TNFSF4: variants seen among roughly 807,000 people sequenced by gnomAD.
TNFSF4 encodes TNF superfamily member 4.
Under a neutral mutation model 7.3 loss-of-function variants are expected in TNFSF4, and 4 were observed. That is an observed-to-expected ratio of 0.55 (90% CI 0.27 to 1.25). The LOEUF (loss-of-function observed/expected upper bound fraction) is 1.25, where lower values mean the gene tolerates loss of function less well. Among genes scored for constraint, TNFSF4 ranks in the 50% most tolerant of loss-of-function variants. The pLI, the probability that TNFSF4 is intolerant of heterozygous loss-of-function variation, is 0.12. For missense variants in TNFSF4, 181 were observed against 208.8 expected (o/e 0.87, Z 0.82); for synonymous variants, 76 against 83.7 (o/e 0.91, Z 0.50).
chr1:173,326,388 T>A, the TNFSF4 span, among the ~76,000 whole-genome samples: 1 of 152,206 alleles, frequency 6.6e-6, no homozygotes, highest in South Asian at 2.1e-4. Flanking sequence ...GAGCTATCCA[T>A]GACGAACCCA....
chr1:173,381,030 G>A, the TNFSF4 span, among the ~76,000 whole-genome samples: 242 of 152,226 alleles, frequency 1.6e-3, 1 homozygote, highest in African/African-American at 5.1e-3. Flanking sequence ...GTCTGTCAGC[G>A]CAAAGCCATA....
At chr1:173,250,469 T>G in the TNFSF4 span, among the ~76,000 whole-genome samples, 3 of 150,760 alleles carry the variant, frequency 2.0e-5, no homozygotes, top group Non-Finnish European at 4.4e-5. Context: ...TTTTGTTTTT[T>G]TTTTTTTTGA....
the TNFSF4 span, among the ~76,000 whole-genome samples, chr1:173,177,343 C>G: frequency 6.6e-6 from 1 of 151,920 alleles, no homozygotes; most frequent in Non-Finnish European, 1.5e-5. Context: ...AATGCAGGAA[C>G]AGAAAGCAAA....
chr1:173,186,458 T>C lies in TNFSF4; in HGVS notation c.*58A>G. 7.1e-7 allele frequency: 1 copy of C among 1,407,334 alleles called. No individual in the cohort carries two copies. The highest frequency in any genetic ancestry group is 9.8e-7 in the Non-Finnish European group (1 of 1,019,522). 87.2% of individuals were successfully genotyped at this position (1,407,334 alleles called of 1,614,324 possible). ...CTTGCAATGAAGAATCCATGCCCTGTCCACCCCCAGCTTGGTGTTCATGCT... is the reference window on the plus strand; with the variant it reads ...CTTGCAATGAAGAATCCATGCCCTGCCCACCCCCAGCTTGGTGTTCATGCT... On this transcript the variant is annotated 3_prime_UTR_variant, in exon 3 of 3. Coordinates refer to ENST00000281834, the MANE Select transcript of TNFSF4 (RefSeq NM_003326.5).
chr1:173,394,381 G>T, the TNFSF4 span, among the ~76,000 whole-genome samples: 28 of 152,250 alleles, frequency 1.8e-4, 1 homozygote, highest in Admixed American at 6.5e-4. Flanking sequence ...TAATCAAGCT[G>T]GCCTCATGCT....
intron 1 of TNFSF4, among the ~76,000 whole-genome samples, chr1:173,199,033 G>C (rs1412159679): frequency 6.6e-6 from 1 of 152,152 alleles, no homozygotes; most frequent in Non-Finnish European, 1.5e-5. Context: ...CAAGATACTA[G>C]GTATTAAAGC....
At chr1:173,399,763 A>G in the TNFSF4 span, among the ~76,000 whole-genome samples, 11 of 152,222 alleles carry the variant, frequency 7.2e-5, no homozygotes, top group African/African-American at 2.2e-4. Flanking sequence ...TCATCACCCA[A>G]TGGGCTCATA....
chr1:173,424,985 A>T, the TNFSF4 span, among the ~76,000 whole-genome samples: 5 of 152,282 alleles, frequency 3.3e-5, no homozygotes, highest in East Asian at 5.8e-4. Flanking sequence ...TAAATATTCA[A>T]GTTTTTCAAA....
the TNFSF4 span, among the ~76,000 whole-genome samples, chr1:173,293,049 T>G: frequency 6.6e-6 from 1 of 152,224 alleles, no homozygotes; most frequent in Admixed American, 6.5e-5. Flanking sequence ...TCAGTATTGT[T>G]AAAATGGCCA....
At chr1:173,356,223 C>A in the TNFSF4 span, among the ~76,000 whole-genome samples, 12 of 152,258 alleles carry the variant, frequency 7.9e-5, no homozygotes, top group East Asian at 2.1e-3. Context: ...TTGTCTCTAC[C>A]AAGAATTTCC....
the TNFSF4 span, among the ~76,000 whole-genome samples, chr1:173,404,710 C>T: frequency 1.3e-5 from 2 of 151,548 alleles, no homozygotes; most frequent in Non-Finnish European, 2.9e-5. Context: ...CAGCTCACTT[C>T]AACCTCTACC....
At position 173,186,798 on chromosome 1, in the gene TNFSF4, G is replaced by A. The variant is rs1326338372; in HGVS notation, c.270C>T (p.Asn90=). 1.2e-6 allele frequency: 2 copies of A among 1,613,604 alleles called. No homozygotes were observed. The highest frequency in any genetic ancestry group is 1.7e-6 in the Non-Finnish European group (2 of 1,179,798). The change falls in exon 3 of 3, where the codon AAC becomes AAT. Residue 90 remains asparagine (N), a synonymous_variant. Coordinates refer to ENST00000281834, the MANE Select transcript of TNFSF4 (RefSeq NM_003326.5). ...CATCACAGTTGATGATGACTGAGTT[G>A]TTCTGCACCTTCATGATTTCATCCT... ...QKEDEIMKVQ[N]NSVIINCDGF...
At chr1:173,187,302 C>A (rs909866003) in intron 2 of TNFSF4, among the ~76,000 whole-genome samples, 37 of 152,210 alleles carry the variant, frequency 2.4e-4, no homozygotes, top group Admixed American at 2.4e-3. Flanking sequence ...AACTTCAGTG[C>A]CTCCTTTCTT....
the TNFSF4 span, among the ~76,000 whole-genome samples, chr1:173,374,837 A>G: frequency 6.6e-6 from 1 of 152,200 alleles, no homozygotes; most frequent in African/African-American, 2.4e-5. Context: ...GTGCAGGGCA[A>G]TACAATACCC....
the TNFSF4 span, among the ~76,000 whole-genome samples, chr1:173,313,690 C>T: frequency 1.2e-4 from 18 of 151,934 alleles, no homozygotes; most frequent in South Asian, 2.1e-4. Flanking sequence ...TATAGACTAT[C>T]GATAGTTCTC....
At chr1:173,272,249 C>A in the TNFSF4 span, among the ~76,000 whole-genome samples, 1 of 151,990 alleles carries the variant, frequency 6.6e-6, no homozygotes, top group East Asian at 1.9e-4. Flanking sequence ...ATGTAAATGA[C>A]AAGTTAATGG....
chr1:173,176,432 A>C, the TNFSF4 span, among the ~76,000 whole-genome samples: 1 of 152,214 alleles, frequency 6.6e-6, no homozygotes, highest in African/African-American at 2.4e-5. Flanking sequence ...ATCATCTCAC[A>C]CGAGTCAGAA....
chr1:173,439,043 C>CAG, the TNFSF4 span, among the ~76,000 whole-genome samples: 1 of 152,172 alleles, frequency 6.6e-6, no homozygotes, highest in Non-Finnish European at 1.5e-5. Context: ...AAGCTACGTG[C>CAG]AGAGAGAGAG....
chr1:173,394,927 T>C, the TNFSF4 span, among the ~76,000 whole-genome samples: 1 of 149,448 alleles, frequency 6.7e-6, no homozygotes, highest in African/African-American at 2.5e-5. Context: ...TAGAGATAGA[T>C]AGATAGATAG....
Sources: gnomAD v4.1 joint callset for allele counts (sites outside exome capture counted in the v4.1 genomes callset) on GRCh38, gnomAD v4.1.1 for gene constraint, MANE v1.5 for transcripts, NCBI Gene and HGNC (gene_info 2026-07-23, HGNC 2026-07-21) for gene names.